TTC39B: variants seen among roughly 807,000 people sequenced by gnomAD.
TTC39B encodes tetratricopeptide repeat protein 39B.
TTC39B carries 92 observed loss-of-function variants against 96.6 expected under a neutral mutation model. That is an observed-to-expected ratio of 0.95 (90% confidence interval 0.80 to 1.13). TTC39B has a LOEUF of 1.13. Ranked by LOEUF, TTC39B falls within the 50% of genes most tolerant of loss-of-function variation. The pLI, the probability that TTC39B is intolerant of heterozygous loss-of-function variation, is 0.00. For synonymous variants in TTC39B, 367 were observed against 299.4 expected, an observed-to-expected ratio of 1.23 and a Z score of -2.33; for missense variants, 955 against 809.3, an observed-to-expected ratio of 1.18 and a Z score of -2.18.
chr9:15,286,841 T>C (rs1328379248), intron 1 of TTC39B, among the ~76,000 whole-genome samples: 1 of 152,204 alleles, frequency 6.6e-6, no homozygotes, highest in Non-Finnish European at 1.5e-5. Flanking sequence ...CCTATTACTT[T>C]CTATGGCCCG....
chr9:15,255,543 A>AT (rs888812615), intron 2 of TTC39B, among the ~76,000 whole-genome samples: 7 of 152,110 alleles, frequency 4.6e-5, no homozygotes, highest in Admixed American at 3.9e-4. Flanking sequence ...TTAGGTTCCT[A>AT]TTTTTATCGT....
chr9:15,221,245 T>C (rs1820826007), intron 3 of TTC39B, among the ~76,000 whole-genome samples: 1 of 152,152 alleles, frequency 6.6e-6, no homozygotes, highest in Admixed American at 6.5e-5. Context: ...TCCGTTCCCA[T>C]CATTTCTTCT....
chr9:15,192,069 C>T (rs581963), intron 9 of TTC39B, among the ~76,000 whole-genome samples: 2,210 of 152,262 alleles, frequency 0.015, 64 homozygotes, highest in African/African-American at 0.05. Flanking sequence ...AGCAAAGTGG[C>T]CATAGTGGCA....
At chr9:15,187,993 C>G in exon 14 of TTC39B, 1 of 1,601,256 alleles carries the variant, frequency 6.2e-7, no homozygotes, top group Non-Finnish European at 8.5e-7. Context: ...ACTCTCTTTG[C>G]AAAGCAGATC....
At chr9:15,185,880 T>C (rs1186736837) in intron 15 of TTC39B, among the ~76,000 whole-genome samples, 1 of 152,306 alleles carries the variant, frequency 6.6e-6, no homozygotes, top group South Asian at 2.1e-4. Context: ...TAAAATAATA[T>C]GGCTCAAAAG....
chr9:15,285,756 G>C (rs1250128416), intron 1 of TTC39B, among the ~76,000 whole-genome samples: 3 of 152,112 alleles, frequency 2.0e-5, no homozygotes, highest in Non-Finnish European at 4.4e-5. Context: ...TCAGGAGGCT[G>C]AGGCAGGAGA....
chr9:15,170,365 T>C (rs907247991), exon 20 of TTC39B: 2 of 152,166 alleles, frequency 1.3e-5, no homozygotes, highest in African/African-American at 4.8e-5. Context: ...GTAAGGTATT[T>C]GAATTTCTAC....
At chr9:15,264,708 T>C (rs1823065125) in intron 2 of TTC39B, among the ~76,000 whole-genome samples, 1 of 143,724 alleles carries the variant, frequency 7.0e-6, no homozygotes, top group Admixed American at 6.8e-5. Flanking sequence ...TCGTCATTTG[T>C]TCTTCTATAT....
chr9:15,279,177 G>T (rs1210327562), intron 1 of TTC39B, among the ~76,000 whole-genome samples: 1 of 152,250 alleles, frequency 6.6e-6, no homozygotes, highest in Non-Finnish European at 1.5e-5. Flanking sequence ...GCAGTTGAAA[G>T]TCTCTGGTGT....
At chr9:15,289,495 G>A (rs1158228754) in intron 1 of TTC39B, among the ~76,000 whole-genome samples, 1 of 152,226 alleles carries the variant, frequency 6.6e-6, no homozygotes, top group Non-Finnish European at 1.5e-5. Flanking sequence ...TGCTTGGTCA[G>A]GAGACTGAAG....
chr9:15,277,258 G>A (rs940347473), intron 1 of TTC39B, among the ~76,000 whole-genome samples: 1 of 152,060 alleles, frequency 6.6e-6, no homozygotes, highest in Non-Finnish European at 1.5e-5. Flanking sequence ...GAGAAATCCC[G>A]CATCTACTAA....
At chr9:15,226,040 T>A in intron 2 of TTC39B, 28 bp from the exon 3 acceptor site, 1 of 1,604,118 alleles carries the variant, frequency 6.2e-7, no homozygotes, top group Non-Finnish European at 8.5e-7. Flanking sequence ...AGAGCAAGGT[T>A]TTTTATTTCT....
intron 8 of TTC39B, 23 bp downstream of exon 8, chr9:15,199,838 C>G (rs1292730223): frequency 7.7e-7 from 1 of 1,297,552 alleles, no homozygotes. Context: ...TATTTACAAA[C>G]CACATCTTAC....
At chr9:15,257,456 A>AT (rs145142279) in intron 2 of TTC39B, among the ~76,000 whole-genome samples, 9,254 of 150,140 alleles carry the variant, frequency 0.062, 337 homozygotes, top group South Asian at 0.08. Flanking sequence ...CATATTAAAA[A>AT]TTTTTTTTTT....
chr9:15,240,044 C>T lies in TTC39B; in HGVS notation c.276-14032G>A, dbSNP rs1003223145. ...TTACTAAAAAAAACTGCTTCCCAGA[C>T]CAAATTCTGCCCAAGGATGATTCCT... is the stretch of plus-strand genomic sequence containing the variant. On this transcript the variant is annotated intron_variant, in intron 2 of 19. Coordinates refer to ENST00000512701, the Ensembl canonical transcript of TTC39B. Among the ~76,000 whole-genome samples the T allele has an allele frequency of 5.3e-5, 8 of 152,152 alleles. No individual in the cohort carries two copies. The South Asian group carries it at 1.2e-3, about 24-fold the overall frequency.
At chr9:15,244,821 G>T (rs961398031) in intron 2 of TTC39B, among the ~76,000 whole-genome samples, 6 of 137,554 alleles carry the variant, frequency 4.4e-5, no homozygotes, top group Non-Finnish European at 6.7e-5. Flanking sequence ...GACACTGAAT[G>T]GGGGGGACAT....
intron 1 of TTC39B, among the ~76,000 whole-genome samples, chr9:15,278,954 A>C (rs1823649842): frequency 6.6e-6 from 1 of 152,236 alleles, no homozygotes; most frequent in Non-Finnish European, 1.5e-5. Flanking sequence ...AGATAGGACT[A>C]TCATAATGTC....
At chr9:15,240,492 T>C (rs1211791399) in intron 2 of TTC39B, among the ~76,000 whole-genome samples, 1 of 151,938 alleles carries the variant, frequency 6.6e-6, no homozygotes, top group Non-Finnish European at 1.5e-5. Flanking sequence ...TCTTTGTACT[T>C]TTCAATGTTT....
At chr9:15,267,078 CA>C (rs1013622171) in intron 2 of TTC39B, among the ~76,000 whole-genome samples, 3 of 150,582 alleles carry the variant, frequency 2.0e-5, no homozygotes, top group Admixed American at 1.3e-4. Flanking sequence ...GACTCCGTCT[CA>C]AAAAAAAAGG....
Sources: gnomAD v4.1 joint callset for allele counts (sites outside exome capture counted in the v4.1 genomes callset) on GRCh38, gnomAD v4.1.1 for gene constraint, MANE v1.5 for transcripts, NCBI Gene and HGNC (gene_info 2026-07-23, HGNC 2026-07-21) for gene names.